Variants in KLKB1 observed in about 807,000 individuals in gnomAD.
The protein encoded by KLKB1 is kallikrein B1.
In KLKB1, 58 loss-of-function variants were observed where a neutral mutation model predicts 73.6. The ratio of observed to expected loss-of-function variants is 0.79; its 90% confidence interval spans 0.64 to 0.98. The LOEUF (loss-of-function observed/expected upper bound fraction) is 0.98. Among genes scored for constraint, KLKB1 ranks in the 50% least tolerant of loss-of-function variants. KLKB1 has a pLI of 0.00. For synonymous variants in KLKB1, 280 were observed against 258.1 expected (o/e 1.08, Z -0.81); for missense variants, 737 against 763.8 (o/e 0.96, Z 0.41).
chr4:186,234,004 C>G lies in KLKB1; in HGVS notation c.274C>G (p.Arg92Gly). 6.2e-7 allele frequency: 1 copy of G among 1,614,036 alleles called. No homozygotes were observed. The highest frequency in any genetic ancestry group is 8.5e-7 in the Non-Finnish European group (1 of 1,179,944). Residue 92 changes from arginine to glycine, a missense_variant, in exon 4 of 15, where the codon CGA becomes GGA. Physicochemically the swap from Arg to Gly is moderately radical, Grantham distance 125 (BLOSUM62 -2). Transcript: ENST00000264690. ...SVTGTLPKVH[R>G]TGAVSGHSLK... Reference sequence around the variant, plus strand: ...TACAGGAACCCTGCCAAAAGTACATCGAACAGGTGCAGTTTCTGGACATTC... The same window carrying G: ...TACAGGAACCCTGCCAAAAGTACATGGAACAGGTGCAGTTTCTGGACATTC...
intron 6 of KLKB1, among the ~76,000 whole-genome samples, chr4:186,245,254 G>A (rs1204568855): frequency 1.3e-5 from 2 of 152,194 alleles, no homozygotes; most frequent in African/African-American, 2.4e-5. Flanking sequence ...ACGTAATGTG[G>A]AGTGGGTAGC....
At position 186,236,812 on chromosome 4, in the gene KLKB1, T is replaced by C; in HGVS notation, c.360T>C (p.Asp120=). The change falls in exon 5 of 15, where the codon GAT becomes GAC. Residue 120 remains aspartate (D), a synonymous_variant. Coordinates refer to ENST00000264690, the MANE Select transcript of KLKB1 (RefSeq NM_000892.5). ...ATCGAGACATTTATAAAGGAGTTGA[T>C]ATGAGAGGAGTCAATTTTAATGTGT... ...ACHRDIYKGV[D]MRGVNFNVSK... is the part of the protein sequence containing the mutation. 2 of 1,614,036 alleles carry C rather than the reference T, an allele frequency of 1.2e-6. No individual in the cohort carries two copies. The highest frequency in any genetic ancestry group is 2.2e-5 in the East Asian group (1 of 44,864).
At chr4:186,238,711 C>CGAGGAAA (rs1413087732) in intron 6 of KLKB1, among the ~76,000 whole-genome samples, 1 of 152,142 alleles carries the variant, frequency 6.6e-6, no homozygotes, top group Non-Finnish European at 1.5e-5. Flanking sequence ...TTGAAAAGGG[C>CGAGGAAA]GAGGAAAGAG....
At chr4:186,232,975 C>T (rs1187373668) in intron 3 of KLKB1, among the ~76,000 whole-genome samples, 3 of 152,216 alleles carry the variant, frequency 2.0e-5, no homozygotes, top group Admixed American at 6.5e-5. Context: ...AGTGCAGTGG[C>T]GTGATCTCGG....
chr4:186,244,728 G>C (rs1432890959), intron 6 of KLKB1, among the ~76,000 whole-genome samples: 1 of 152,206 alleles, frequency 6.6e-6, no homozygotes, highest in Non-Finnish European at 1.5e-5. Context: ...AACCTGTAAG[G>C]CTTGTCCGGT....
Position 186,251,881 on chromosome 4 carries a change from C to T in KLKB1, c.1144+20C>T, listed in dbSNP as rs1254943635. On this transcript the variant is annotated intron_variant, in intron 10 of 14. Transcript: ENST00000264690. Reference sequence around the variant, plus strand: ...ACTCTGGTGAGTAACCTCACTTTTTCGTGGACCTGTCAGGGATGTCTGTCA... The same window carrying T: ...ACTCTGGTGAGTAACCTCACTTTTTTGTGGACCTGTCAGGGATGTCTGTCA... 7 of 1,601,778 alleles carry T rather than the reference C, an allele frequency of 4.4e-6. No individual in the cohort carries two copies. Among genetic ancestry groups the T allele is most frequent in the East Asian group, 2.2e-5 (1 of 44,822 alleles).
chr4:186,256,185 C>T, intron 13 of KLKB1, 98 bp downstream of exon 13: 1 of 750,402 alleles, frequency 1.3e-6, no homozygotes. Flanking sequence ...GAAATTATAT[C>T]TAAACTCTTT....
At chr4:186,253,187 C>G (rs913022206) in intron 11 of KLKB1, among the ~76,000 whole-genome samples, 5 of 152,134 alleles carry the variant, frequency 3.3e-5, no homozygotes, top group African/African-American at 1.2e-4. Context: ...ACTGTGATTT[C>G]TATATTCAAT....
At chr4:186,251,462 C>A (rs946866339) in intron 8 of KLKB1, 25 bp from the exon 9 acceptor site, 4 of 1,609,766 alleles carry the variant, frequency 2.5e-6, no homozygotes, top group African/African-American at 2.7e-5. Context: ...CATCTGATAT[C>A]TTTTTGTGTT....
In KLKB1 at chr4:186,258,164, G is replaced by C; in HGVS notation, c.1869G>C (p.Glu623Asp). 6.2e-7 allele frequency: 1 copy of C among 1,614,172 alleles called. No homozygotes were observed. The highest frequency in any genetic ancestry group is 1.7e-4 in the Middle Eastern group (1 of 6,060). The change falls in exon 15 of 15, where the codon GAG becomes GAC. Residue 623 changes from glutamate to aspartate, a missense_variant. Glu to Asp is a conservative substitution (Grantham distance 45). Transcript: ENST00000264690. ...CTGAGTACATGGACTGGATTTTAGA[G>C]AAAACACAGAGCAGTGATGGAAAAG... ...KVAEYMDWIL[E>D]KTQSSDGKAQ...
At chr4:186,255,049 TGGGC>T (rs1738922084) in intron 12 of KLKB1, among the ~76,000 whole-genome samples, 1 of 152,202 alleles carries the variant, frequency 6.6e-6, no homozygotes, top group Non-Finnish European at 1.5e-5. Flanking sequence ...TGAGAGGCAC[TGGGC>T]TTGCTTTGAC....
At position 186,251,209 on chromosome 4, in the gene KLKB1, A is replaced by ATTT. The variant is rs1738654184; in HGVS notation, c.759-10_759-9insTTT. Reference sequence around the variant, plus strand: ...TTTCTTTCTCTCTTGCTTTTTTTTAAAAAAAATAGAAATGTTTGTCTTCTT... The same window carrying ATTT: ...TTTCTTTCTCTCTTGCTTTTTTTTAATTTAAAAAATAGAAATGTTTGTCTTCTT... On this transcript the variant is annotated splice_polypyrimidine_tract_variant and intron_variant, in intron 7 of 14. Coordinates refer to ENST00000264690, the MANE Select transcript of KLKB1 (RefSeq NM_000892.5). 1 of 1,570,290 alleles carries ATTT rather than the reference A, an allele frequency of 6.4e-7. No homozygotes were observed.
At chr4:186,233,518 A>G (rs1379094467) in intron 3 of KLKB1, among the ~76,000 whole-genome samples, 2 of 152,248 alleles carry the variant, frequency 1.3e-5, no homozygotes, top group Non-Finnish European at 2.9e-5. Context: ...ATGAAGGTGG[A>G]CATCTAAGAC....
At position 186,252,014 on chromosome 4, in the gene KLKB1, C is replaced by T; in HGVS notation, c.1145-3C>T. The T allele has an allele frequency of 6.2e-7, 1 of 1,614,226 alleles. No individual in the cohort carries two copies. The highest frequency in any genetic ancestry group is 8.5e-7 in the Non-Finnish European group (1 of 1,180,052). On this transcript the variant is annotated splice_polypyrimidine_tract_variant and splice_region_variant and intron_variant, in intron 10 of 14. Coordinates refer to ENST00000264690, the MANE Select transcript of KLKB1 (RefSeq NM_000892.5). ...ACCATTAGCGTCAACGCTCTCTTTT[C>T]AGTCTGCACAACAAAAACAAGCACA...
intron 12 of KLKB1, 23 bp from the exon 13 acceptor site, chr4:186,255,969 C>A (rs911189945): frequency 2.3e-5 from 34 of 1,464,412 alleles, no homozygotes; most frequent in Non-Finnish European, 3.2e-5. Flanking sequence ...TGACCAAACT[C>A]TAATTTAAAA....
At chr4:186,251,108 A>C (rs113496839) in intron 7 of KLKB1, 111 bp from the exon 8 acceptor site, 9 of 703,852 alleles carry the variant, frequency 1.3e-5, no homozygotes, top group African/African-American at 7.2e-5. Context: ...AGTTTCCCAG[A>C]AGAATAAAAT....
intron 2 of KLKB1, among the ~76,000 whole-genome samples, chr4:186,221,178 GAGT>G (rs906560146): frequency 1.3e-5 from 2 of 151,468 alleles, no homozygotes; most frequent in Non-Finnish European, 3.0e-5. Context: ...AATTTTATTT[GAGT>G]TTTTTTTCTT....
intron 4 of KLKB1, among the ~76,000 whole-genome samples, chr4:186,235,238 TA>T (rs1406509416): frequency 1.5e-4 from 23 of 152,250 alleles, no homozygotes; most frequent in African/African-American, 5.1e-4. Context: ...CTGATTGTTG[TA>T]TCTTGTAGCA....
In KLKB1 at chr4:186,245,038, C is replaced by T. The variant is rs550874988; in HGVS notation, c.599-5205C>T. ...GGTGGCATTGAGGTGTGGCTGTGGC[C>T]TAAGAACAGTCAGGGAAGCGGATAA... On this transcript the variant is annotated intron_variant, in intron 6 of 14. Transcript: ENST00000264690. 5.9e-5 allele frequency among the ~76,000 whole-genome samples: 9 copies of T among 152,136 alleles called. 2 individuals are homozygous for T. Among genetic ancestry groups the T allele is most frequent in the African/African-American group, 2.2e-4 (9 of 41,518 alleles).
Sources: gnomAD v4.1 joint callset for allele counts (sites outside exome capture counted in the v4.1 genomes callset) on GRCh38, gnomAD v4.1.1 for gene constraint, MANE v1.5 for transcripts, NCBI Gene and HGNC (gene_info 2026-07-23, HGNC 2026-07-21) for gene names.